Variants in SMOC2 observed in about 807,000 individuals in gnomAD.
SMOC2 encodes SPARC related modular calcium binding 2, also known as SPARC-related modular calcium-binding protein 2.
In SMOC2, 39 loss-of-function variants were observed where a neutral mutation model predicts 61.4. The observed-to-expected ratio is 0.64, with a 90% confidence interval of 0.49 to 0.83. The LOEUF is 0.83. Ranked by LOEUF, SMOC2 falls within the 40% of genes least tolerant of loss-of-function variation. SMOC2 has a pLI of 0.00. For synonymous variants in SMOC2, 247 were observed against 239.9 expected (o/e 1.03, Z -0.27); for missense variants, 556 against 592.9 (o/e 0.94, Z 0.65).
At chr6:168,618,942 T>C (rs1371262868) in intron 9 of SMOC2, among the ~76,000 whole-genome samples, 2 of 152,228 alleles carry the variant, frequency 1.3e-5, no homozygotes, top group Non-Finnish European at 2.9e-5. Flanking sequence ...CTGCATTTTA[T>C]TTGTTTATTC....
At chr6:168,459,040 G>T (rs1377146269) in intron 1 of SMOC2, among the ~76,000 whole-genome samples, 3 of 152,128 alleles carry the variant, frequency 2.0e-5, no homozygotes, top group Non-Finnish European at 4.4e-5. Context: ...GTTCAAAATG[G>T]TTTACCCAAA....
intron 1 of SMOC2, among the ~76,000 whole-genome samples, chr6:168,448,431 T>TGCGCG (rs1721034309): frequency 9.2e-6 from 1 of 109,236 alleles, no homozygotes; most frequent in African/African-American, 4.6e-5. Context: ...AGGACGATGA[T>TGCGCG]GGGGAGAAGG....
intron 1 of SMOC2, among the ~76,000 whole-genome samples, chr6:168,456,547 C>T (rs1781592742): frequency 6.6e-6 from 1 of 152,218 alleles, no homozygotes; most frequent in Non-Finnish European, 1.5e-5. Flanking sequence ...ACTTGGTGGC[C>T]ACAGTGACTC....
At chr6:168,640,513 C>T (rs1470231862) in intron 9 of SMOC2, among the ~76,000 whole-genome samples, 1 of 152,156 alleles carries the variant, frequency 6.6e-6, no homozygotes, top group Admixed American at 6.6e-5. Flanking sequence ...GACAATGCAA[C>T]ATCACAGTGT....
chr6:168,577,556 G>T (rs779276267), intron 7 of SMOC2, among the ~76,000 whole-genome samples: 3 of 152,200 alleles, frequency 2.0e-5, no homozygotes, highest in African/African-American at 7.2e-5. Flanking sequence ...CATGGGAAAT[G>T]CTTTATACAC....
chr6:168,467,482 G>A (rs1781870915), intron 1 of SMOC2, among the ~76,000 whole-genome samples: 1 of 151,858 alleles, frequency 6.6e-6, no homozygotes, highest in South Asian at 2.1e-4. Flanking sequence ...AATTTTTTTT[G>A]TATTTTTAGT....
In SMOC2 at chr6:168,536,016, C is replaced by G. The variant is rs150613956; in HGVS notation, c.464-7609C>G. On this transcript the variant is annotated intron_variant, in intron 4 of 12. Coordinates refer to ENST00000356284, the MANE Select transcript of SMOC2 (RefSeq NM_001166412.2). ...CTGGATTCTGGCTCGAATTTTCACACGTGCCAACCTCACTCGGAGGGCCTG... is the reference window on the plus strand; with the variant it reads ...CTGGATTCTGGCTCGAATTTTCACAGGTGCCAACCTCACTCGGAGGGCCTG... Among the ~76,000 whole-genome samples the G allele has an allele frequency of 2.5e-3, 381 of 152,352 alleles. 1 individual carries two copies. The highest frequency in any genetic ancestry group is 8.1e-3 in the African/African-American group (336 of 41,580).
At chr6:168,577,326 T>A (rs1479788623) in intron 7 of SMOC2, among the ~76,000 whole-genome samples, 1 of 152,172 alleles carries the variant, frequency 6.6e-6, no homozygotes, top group African/African-American at 2.4e-5. Flanking sequence ...TCTGTAAGAC[T>A]TTGCTGGACC....
intron 5 of SMOC2, among the ~76,000 whole-genome samples, chr6:168,546,794 T>G (rs888917406): frequency 2.0e-5 from 3 of 152,222 alleles, no homozygotes; most frequent in African/African-American, 4.8e-5. Flanking sequence ...GGCTAGACTT[T>G]CTTTACTCTA....
rs550372694 is a variant in SMOC2, at chr6:168,529,014, C to T, written c.463+1287C>T. On this transcript the variant is annotated intron_variant, in intron 4 of 12. Coordinates refer to ENST00000356284, the MANE Select transcript of SMOC2 (RefSeq NM_001166412.2). ...CAGTGGGGATAGGGGCATCTATTTC[C>T]GTTGCTTTAGTGATATCATCTGATA... 1.4e-3 allele frequency among the ~76,000 whole-genome samples: 216 copies of T among 152,088 alleles called. 1 individual carries two copies. Among genetic ancestry groups the T allele is most frequent in the Non-Finnish European group, 1.3e-3 (91 of 68,014 alleles).
chr6:168,478,558 G>T (rs1183969260), intron 1 of SMOC2, among the ~76,000 whole-genome samples: 2 of 152,152 alleles, frequency 1.3e-5, no homozygotes, highest in Non-Finnish European at 2.9e-5. Flanking sequence ...CTTGCAGCAG[G>T]TGAGGTTGAC....
At chr6:168,557,074 T>C (rs2115117149) in intron 7 of SMOC2, among the ~76,000 whole-genome samples, 1 of 152,294 alleles carries the variant, frequency 6.6e-6, no homozygotes, top group Admixed American at 6.5e-5. Flanking sequence ...AAGATAATTA[T>C]CTTTTGATTC....
intron 2 of SMOC2, among the ~76,000 whole-genome samples, chr6:168,510,673 A>G (rs138889510): frequency 2.6e-5 from 4 of 152,322 alleles, no homozygotes; most frequent in Non-Finnish European, 5.9e-5. Flanking sequence ...TGCCTTTGAG[A>G]TGAAGTTCTG....
intron 8 of SMOC2, among the ~76,000 whole-genome samples, chr6:168,599,399 C>G (rs1353967435): frequency 1.8e-4 from 16 of 87,948 alleles, no homozygotes; most frequent in Non-Finnish European, 5.4e-5. Flanking sequence ...CACACACACA[C>G]TGACACACAC....
chr6:168,549,037 G>T, intron 6 of SMOC2, 92 bp from the exon 7 acceptor site: 1 of 903,422 alleles, frequency 1.1e-6, no homozygotes, highest in Non-Finnish European at 1.9e-6. Flanking sequence ...GATTTATTTT[G>T]GCTGTTGGAC....
rs975872388 is a variant in SMOC2 at position 168,553,893 on chromosome 6, C to T, written c.637+4690C>T. On this transcript the variant is annotated intron_variant, in intron 7 of 12. Transcript: ENST00000356284. The surrounding 1 kb of genome is among the most constrained non-coding windows in gnomAD (Gnocchi z 4.2). ...TTGGTAGGAGGATTATTCCATGGGA[C>T]GAGTCGATTAAAACTTGCTTTTGAA... 1.8e-4 allele frequency among the ~76,000 whole-genome samples: 27 copies of T among 151,886 alleles called. No homozygotes were observed. Among genetic ancestry groups the T allele is most frequent in the African/African-American group, 5.6e-4 (23 of 41,134 alleles).
At chr6:168,615,279 A>G (rs1786042303) in intron 9 of SMOC2, among the ~76,000 whole-genome samples, 1 of 86,394 alleles carries the variant, frequency 1.2e-5, no homozygotes, top group Non-Finnish European at 2.4e-5. Flanking sequence ...ACCTACAGCC[A>G]GCATGGGGCC....
At chr6:168,576,403 C>A in intron 7 of SMOC2, among the ~76,000 whole-genome samples, 2 of 152,228 alleles carry the variant, frequency 1.3e-5, no homozygotes, top group Middle Eastern at 6.8e-3. Context: ...CACGTCCAGT[C>A]GGGCAGCAGA....
intron 1 of SMOC2, among the ~76,000 whole-genome samples, chr6:168,503,268 G>A (rs1317285930): frequency 6.7e-6 from 1 of 150,156 alleles, no homozygotes; most frequent in Non-Finnish European, 1.5e-5. Flanking sequence ...AGTAGAGACG[G>A]GGTTTCAGCA....
Sources: gnomAD v4.1 joint callset for allele counts (sites outside exome capture counted in the v4.1 genomes callset) on GRCh38, gnomAD v4.1.1 for gene constraint, Gnocchi (gnomAD v3.1) non-coding constraint, MANE v1.5 for transcripts, NCBI Gene and HGNC (gene_info 2026-07-23, HGNC 2026-07-21) for gene names.